Variants in JDP2 observed in about 807,000 individuals in gnomAD.
JDP2 encodes the protein Jun dimerization protein 2, also known as progesterone receptor co-activator.
Under a neutral mutation model 17.1 loss-of-function variants are expected in JDP2, and 9 were observed. The ratio of observed to expected loss-of-function variants is 0.53; its 90% CI spans 0.32 to 0.92. The LOEUF is 0.92. Among genes scored for constraint, JDP2 ranks in the 40% least tolerant of loss-of-function variants. The pLI, the probability that JDP2 is intolerant of heterozygous loss-of-function variation, is 0.04. For synonymous variants in JDP2, 107 were observed against 95.6 expected (o/e 1.12, Z -0.69); for missense variants, 179 against 220.0 (o/e 0.81, Z 1.18).
intron 2 of JDP2, chr14:75,445,174 T>G: frequency 1.0e-6 from 1 of 985,250 alleles, no homozygotes; most frequent in Non-Finnish European, 1.2e-6. Context: ...ATGAAGCCAT[T>G]TAAGTCTGTT....
chr14:75,431,996 A>G, intron 1 of JDP2: 1 of 439,632 alleles, frequency 2.3e-6, no homozygotes, highest in South Asian at 3.8e-5. Context: ...AGAGGCACAG[A>G]GAGGTTAGGG....
rs1030787199 is a variant in JDP2, at chr14:75,455,008, C to A, written c.202-6418C>A. On this transcript the variant is annotated intron_variant, in intron 2 of 3. Transcript: ENST00000651602. ...AGAGGCGACGAGGGCTTGGACCAGGCTGGAGGCAGCAGGGATGGAGAATGT... is the reference window on the plus strand; with the variant it reads ...AGAGGCGACGAGGGCTTGGACCAGGATGGAGGCAGCAGGGATGGAGAATGT... Among the ~76,000 whole-genome samples the A allele has an allele frequency of 5.3e-5, 8 of 152,112 alleles. No homozygotes were observed. In the South Asian group the frequency reaches 6.2e-4, roughly 12 times the overall value.
chr14:75,465,017 C>T (rs1886511703), intron 3 of JDP2, among the ~76,000 whole-genome samples: 1 of 152,214 alleles, frequency 6.6e-6, no homozygotes, highest in South Asian at 2.1e-4. Flanking sequence ...CACAGTGGCC[C>T]TGGGAAGAGG....
At chr14:75,454,452 T>C (rs1886011489) in intron 2 of JDP2, among the ~76,000 whole-genome samples, 1 of 152,334 alleles carries the variant, frequency 6.6e-6, no homozygotes, top group South Asian at 2.1e-4. Flanking sequence ...CTTACTGAGA[T>C]GGCAAATTAA....
rs552711165 is a variant in JDP2, at chr14:75,453,602, A to G, written c.202-7824A>G. Among the ~76,000 whole-genome samples, 31 of 152,328 alleles carry G rather than the reference A, an allele frequency of 2.0e-4. No homozygotes were observed. In the South Asian group the frequency reaches 5.0e-3, roughly 24 times the overall value. On this transcript the variant is annotated intron_variant, in intron 2 of 3. Coordinates refer to ENST00000651602, the MANE Select transcript of JDP2 (RefSeq NM_001135048.2). Reference sequence around the variant, plus strand: ...GGCTCTGGGCTGGAACTCAGTCCTCATTACTACCATGTGCGGCAGGGCTCA... The same window carrying G: ...GGCTCTGGGCTGGAACTCAGTCCTCGTTACTACCATGTGCGGCAGGGCTCA...
intron 2 of JDP2, among the ~76,000 whole-genome samples, chr14:75,460,786 G>C (rs576417086): frequency 6.6e-6 from 1 of 152,360 alleles, no homozygotes; most frequent in East Asian, 1.9e-4. Context: ...GGGGCTTCCT[G>C]AGTCTCTGGG....
chr14:75,432,571 C>T (rs943074571), intron 1 of JDP2, among the ~76,000 whole-genome samples: 2 of 152,220 alleles, frequency 1.3e-5, no homozygotes, highest in African/African-American at 4.8e-5. Context: ...GTCACTCTCA[C>T]CTCCGCATTC....
intron 1 of JDP2, chr14:75,432,209 G>C: frequency 1.0e-6 from 1 of 987,948 alleles, no homozygotes; most frequent in Non-Finnish European, 1.6e-6. Context: ...CTCGCCTTCT[G>C]GATCTCCTCG....
intron 2 of JDP2, among the ~76,000 whole-genome samples, chr14:75,439,887 A>T (rs8012036): frequency 0.098 from 14,961 of 152,162 alleles, 2,555 homozygotes; most frequent in African/African-American, 0.34. Flanking sequence ...GAGCAGTTTC[A>T]TGGGGGCACT....
intron 2 of JDP2, among the ~76,000 whole-genome samples, chr14:75,439,227 C>T (rs1391105883): frequency 2.6e-5 from 4 of 152,168 alleles, no homozygotes; most frequent in Non-Finnish European, 5.9e-5. Context: ...CTGATAGGTA[C>T]CTAAAAACTG....
intron 2 of JDP2, among the ~76,000 whole-genome samples, chr14:75,447,993 GTAAC>G (rs940224872): frequency 6.6e-6 from 1 of 152,048 alleles, no homozygotes; most frequent in Non-Finnish European, 1.5e-5. Flanking sequence ...CCTACCATTT[GTAAC>G]TAACTACTAA....
In JDP2 at chr14:75,473,731, G is replaced by A. The variant is rs372894852; in HGVS notation, c.*4256G>A. 7.9e-5 allele frequency: 12 copies of A among 152,284 alleles called. No homozygotes were observed. In the East Asian group the frequency reaches 1.3e-3, roughly 17 times the overall value. 9.4% of individuals were successfully genotyped at this position (152,284 alleles called of 1,614,324 possible). ...AGGGTAGGGGAGTGAACTGCGGAAG[G>A]ATACCACTTATGTCATATTTCTAAC... On this transcript the variant is annotated 3_prime_UTR_variant, in exon 4 of 4. Transcript: ENST00000651602.
chr14:75,445,031 C>A (rs943190239), intron 2 of JDP2: 14 of 873,652 alleles, frequency 1.6e-5, no homozygotes, highest in Non-Finnish European at 1.9e-5. Flanking sequence ...CTTTTAGCAG[C>A]CTTAAGAAGG....
At chr14:75,465,441 C>G (rs948105237) in intron 3 of JDP2, among the ~76,000 whole-genome samples, 3 of 152,154 alleles carry the variant, frequency 2.0e-5, no homozygotes, top group African/African-American at 7.2e-5. Flanking sequence ...AAGTGATCCT[C>G]CCACCTCAGC....
chr14:75,435,342 T>A (rs945229190), intron 1 of JDP2, among the ~76,000 whole-genome samples: 1 of 152,138 alleles, frequency 6.6e-6, no homozygotes, highest in African/African-American at 2.4e-5. Flanking sequence ...CAGGGGCTAT[T>A]TCTGTGTCTG....
Position 75,437,172 on chromosome 14 carries a change from CAAA to C in JDP2, c.-23-708_-23-706del, listed in dbSNP as rs11302124. On this transcript the variant is annotated intron_variant, in intron 1 of 3. Coordinates refer to ENST00000651602, the MANE Select transcript of JDP2 (RefSeq NM_001135048.2). ...TCGTGCCACTGCACTCCAGCCTGGG[CAAA>C]AAAAAAAAAAAAAAAAAGCATGGAG... Among the ~76,000 whole-genome samples, 794 of 97,950 alleles carry C rather than the reference CAAA, an allele frequency of 8.1e-3. 5 individuals are homozygous for C. Among genetic ancestry groups the C allele is most frequent in the Middle Eastern group, 0.042 (7 of 168 alleles). 64.3% of individuals were successfully genotyped at this position (97,950 alleles called of 152,430 possible).
At chr14:75,465,960 T>C (rs998403217) in intron 3 of JDP2, among the ~76,000 whole-genome samples, 2 of 152,210 alleles carry the variant, frequency 1.3e-5, no homozygotes, top group Admixed American at 6.5e-5. Context: ...AGATCTTCGC[T>C]CAGTTCCTTC....
At chr14:75,462,508 G>A (rs1886384778) in intron 3 of JDP2, among the ~76,000 whole-genome samples, 1 of 152,186 alleles carries the variant, frequency 6.6e-6, no homozygotes, top group East Asian at 1.9e-4. Flanking sequence ...TCTTTCTACA[G>A]ATAAGGAAAC....
intron 2 of JDP2, among the ~76,000 whole-genome samples, 175 bp downstream of exon 2, chr14:75,438,296 A>G (rs933078661): frequency 6.6e-6 from 1 of 152,200 alleles, no homozygotes; most frequent in South Asian, 2.1e-4. Flanking sequence ...CAGAATCTGC[A>G]TCTTAACAAG....
Sources: allele counts gnomAD v4.1 joint callset (sites outside exome capture counted in the v4.1 genomes callset), GRCh38; gene constraint gnomAD v4.1.1; transcripts MANE v1.5; gene names NCBI Gene and HGNC (gene_info 2026-07-23, HGNC 2026-07-21).